ZNF521: variants seen among roughly 807,000 people sequenced by gnomAD.
ZNF521 encodes the protein zinc finger protein 521.
ZNF521 carries 14 observed loss-of-function variants against 105.5 expected under a neutral mutation model. The ratio of observed to expected loss-of-function variants is 0.13; its 90% confidence interval spans 0.09 to 0.21. ZNF521 has a LOEUF of 0.21. Ranked by LOEUF, ZNF521 falls within the 10% of genes least tolerant of loss-of-function variation. The probability of loss-of-function intolerance (pLI) is 1.00; values close to 1 mark genes in which losing one functional copy is unlikely to be tolerated. For synonymous variants in ZNF521, 635 were observed against 606.0 expected (o/e 1.05, Z -0.70); for missense variants, 1,233 against 1,629.7 (o/e 0.76, Z 4.19).
At chr18:25,112,004 T>C (rs2034200213) in intron 5 of ZNF521, among the ~76,000 whole-genome samples, 1 of 152,140 alleles carries the variant, frequency 6.6e-6, no homozygotes, top group South Asian at 2.1e-4. Flanking sequence ...GAAGCTTCCC[T>C]AAAGGACAAA....
intron 3 of ZNF521, among the ~76,000 whole-genome samples, chr18:25,255,986 G>GTATATATATGGTATATATATATGA (rs995858440): frequency 3.4e-5 from 5 of 146,228 alleles, no homozygotes; most frequent in African/African-American, 1.3e-4. Context: ...TATATACATG[G>GTATATATATGGTATATATATATGA]TATATATATG....
intron 7 of ZNF521, among the ~76,000 whole-genome samples, chr18:25,087,745 C>G (rs927602640): frequency 1.3e-5 from 2 of 152,124 alleles, no homozygotes; most frequent in African/African-American, 4.8e-5. Flanking sequence ...CTTGGCCCAT[C>G]TTCTATATTC....
intron 3 of ZNF521, among the ~76,000 whole-genome samples, chr18:25,257,020 A>T (rs1245340964): frequency 6.6e-6 from 1 of 152,134 alleles, no homozygotes; most frequent in Non-Finnish European, 1.5e-5. Context: ...GGAAAGGCAG[A>T]GATGAGAAAA....
At chr18:25,145,934 TATGACAAC>T (rs1450480595) in intron 5 of ZNF521, among the ~76,000 whole-genome samples, 1 of 152,230 alleles carries the variant, frequency 6.6e-6, no homozygotes, top group Admixed American at 6.5e-5. Context: ...CCTTCTAGGA[TATGACAAC>T]ATGGGAAACC....
chr18:25,166,493 A>G (rs1168921372), intron 5 of ZNF521, among the ~76,000 whole-genome samples: 1 of 152,250 alleles, frequency 6.6e-6, no homozygotes, highest in Non-Finnish European at 1.5e-5. Flanking sequence ...CACATTAAAA[A>G]GATTGCAAAT....
intron 5 of ZNF521, among the ~76,000 whole-genome samples, chr18:25,143,260 G>A (rs1347493329): frequency 6.6e-6 from 1 of 152,072 alleles, no homozygotes; most frequent in Non-Finnish European, 1.5e-5. Context: ...CATCACAGGA[G>A]TTTCCCTAAT....
intron 3 of ZNF521, among the ~76,000 whole-genome samples, chr18:25,239,275 C>T (rs1398551381): frequency 6.6e-6 from 1 of 152,142 alleles, no homozygotes; most frequent in Non-Finnish European, 1.5e-5. Context: ...GCAGCTTGTA[C>T]ATTTCCAGAA....
At chr18:25,170,481 C>A (rs2035428415) in intron 5 of ZNF521, among the ~76,000 whole-genome samples, 1 of 152,068 alleles carries the variant, frequency 6.6e-6, no homozygotes, top group Admixed American at 6.6e-5. Flanking sequence ...AATTTTAGTT[C>A]TTGTAAACCC....
chr18:25,076,103 C>G (rs1016613400), intron 7 of ZNF521, among the ~76,000 whole-genome samples: 2 of 152,210 alleles, frequency 1.3e-5, no homozygotes, highest in African/African-American at 4.8e-5. Flanking sequence ...CCACTCCTTT[C>G]CTGCTCAGTG....
At chr18:25,155,766 T>C (rs760300502) in intron 5 of ZNF521, among the ~76,000 whole-genome samples, 20 of 152,134 alleles carry the variant, frequency 1.3e-4, no homozygotes, top group African/African-American at 3.9e-4. Context: ...TAAACTGTGG[T>C]ATAAATATAT....
chr18:25,254,936 T>C (rs1908375332), intron 3 of ZNF521, among the ~76,000 whole-genome samples: 1 of 152,096 alleles, frequency 6.6e-6, no homozygotes, highest in African/African-American at 2.4e-5. Context: ...TTATGCAAAC[T>C]TATCATGAGT....
chr18:25,279,117 G>C (rs919045134), intron 3 of ZNF521, among the ~76,000 whole-genome samples: 5 of 152,164 alleles, frequency 3.3e-5, no homozygotes, highest in African/African-American at 1.2e-4. Flanking sequence ...AAATGTCCCA[G>C]AAAAGGTAGA....
At chr18:25,341,060 T>A (rs570569159) in intron 2 of ZNF521, among the ~76,000 whole-genome samples, 1 of 152,188 alleles carries the variant, frequency 6.6e-6, no homozygotes, top group Non-Finnish European at 1.5e-5. Context: ...CTCCCCACCA[T>A]CACCATTCAT....
At chr18:25,333,831 T>C (rs1007748778) in intron 2 of ZNF521, among the ~76,000 whole-genome samples, 1 of 152,222 alleles carries the variant, frequency 6.6e-6, no homozygotes, top group East Asian at 1.9e-4. Flanking sequence ...ATGGTGTGTT[T>C]AATACAGGCA....
At chr18:25,239,294 A>G (rs923440511) in intron 3 of ZNF521, among the ~76,000 whole-genome samples, 20 of 152,176 alleles carry the variant, frequency 1.3e-4, no homozygotes, top group Admixed American at 1.2e-3. Flanking sequence ...AAAAAGAGTG[A>G]CCATTTTAAA....
chr18:25,084,026 C>T (rs1014036751), intron 7 of ZNF521, among the ~76,000 whole-genome samples: 22 of 146,990 alleles, frequency 1.5e-4, no homozygotes, highest in Admixed American at 4.9e-4. Context: ...TCAAGTGATC[C>T]GCCTGCCTCA....
At chr18:25,169,230 T>G (rs1332312381) in intron 5 of ZNF521, among the ~76,000 whole-genome samples, 1 of 152,214 alleles carries the variant, frequency 6.6e-6, no homozygotes, top group East Asian at 1.9e-4. Flanking sequence ...TTTTTGGACA[T>G]CTATTATTTT....
At chr18:25,122,815 T>C (rs1275880493) in intron 5 of ZNF521, among the ~76,000 whole-genome samples, 1 of 151,812 alleles carries the variant, frequency 6.6e-6, no homozygotes, top group African/African-American at 2.4e-5. Context: ...GAATAGAAAC[T>C]GACAAGTTTT....
chr18:25,281,754 T>A (rs190557877), intron 3 of ZNF521, among the ~76,000 whole-genome samples: 3 of 152,210 alleles, frequency 2.0e-5, no homozygotes, highest in African/African-American at 7.2e-5. Flanking sequence ...TTGCCTTCCA[T>A]GAATGCGATG....
Sources: allele counts gnomAD v4.1 joint callset (sites outside exome capture counted in the v4.1 genomes callset), GRCh38; gene constraint gnomAD v4.1.1; transcripts MANE v1.5; gene names NCBI Gene and HGNC (gene_info 2026-07-23, HGNC 2026-07-21).